METTL8: variants seen among roughly 807,000 people sequenced by gnomAD.
METTL8 encodes the protein methyltransferase 8, tRNA N3-cytidine.
Under a neutral mutation model 48.7 loss-of-function variants are expected in METTL8, and 32 were observed. The ratio of observed to expected loss-of-function variants is 0.66; its 90% CI spans 0.50 to 0.88. The LOEUF (loss-of-function observed/expected upper bound fraction) is 0.88, where lower values mean the gene tolerates loss of function less well. METTL8 is among the 40% of genes least tolerant of loss of function. The pLI is 0.00. For synonymous variants in METTL8, 136 were observed against 157.1 expected (o/e 0.87, Z 1.01); for missense variants, 464 against 474.4 (o/e 0.98, Z 0.20).
At chr2:171,336,231 G>A (rs1349072846) in intron 5 of METTL8, among the ~76,000 whole-genome samples, 1 of 151,946 alleles carries the variant, frequency 6.6e-6, no homozygotes, top group African/African-American at 2.4e-5. Context: ...GAGTAGCTGG[G>A]ATTACAGGCG....
chr2:171,432,848 A>G (rs1693238129), intron 1 of METTL8, among the ~76,000 whole-genome samples: 1 of 152,232 alleles, frequency 6.6e-6, no homozygotes, highest in Admixed American at 6.5e-5. Context: ...AACCATTTTT[A>G]CCATAGGCCA....
rs780640641 is a variant in METTL8, at chr2:171,339,373, A to G, written c.417T>C (p.Asn139=). The G allele has an allele frequency of 5.6e-6, 9 of 1,613,116 alleles. No homozygotes were observed. Among genetic ancestry groups the G allele is most frequent in the African/African-American group, 2.7e-5 (2 of 74,856 alleles). ...TAGGACAGTGCATTCTTGAGAAACG[A>G]TTTGTAGCACTAGTTTTTACATGAT... ...SWDHVKTSAT[N]RFSRMHCPTV... Residue 139 remains asparagine, a synonymous_variant, in exon 4 of 10, where the codon AAT becomes AAC. Coordinates refer to ENST00000375258, the MANE Select transcript of METTL8 (RefSeq NM_001321154.2).
At chr2:171,376,998 A>G (rs902903221) in intron 2 of METTL8, among the ~76,000 whole-genome samples, 163 of 152,348 alleles carry the variant, frequency 1.1e-3, no homozygotes, top group African/African-American at 3.8e-3. Context: ...AAAAATAGGC[A>G]TATAGACCAA....
At chr2:171,431,251 A>G (rs1261054546) in intron 1 of METTL8, among the ~76,000 whole-genome samples, 1 of 152,218 alleles carries the variant, frequency 6.6e-6, no homozygotes, top group Non-Finnish European at 1.5e-5. Context: ...ACACATGTGC[A>G]GTAAGGGAAA....
At chr2:171,351,295 G>A (rs1013247334) in intron 3 of METTL8, among the ~76,000 whole-genome samples, 1 of 152,144 alleles carries the variant, frequency 6.6e-6, no homozygotes, top group Non-Finnish European at 1.5e-5. Context: ...TTATTTCTGA[G>A]GGCTCTGTTC....
intron 1 of METTL8, among the ~76,000 whole-genome samples, chr2:171,424,016 C>G (rs1213120100): frequency 6.6e-6 from 1 of 152,186 alleles, no homozygotes; most frequent in Non-Finnish European, 1.5e-5. Context: ...GTGCCCTGCA[C>G]CCCAGCTGCT....
intron 2 of METTL8, among the ~76,000 whole-genome samples, chr2:171,361,120 T>A (rs1685117961): frequency 6.6e-6 from 1 of 152,232 alleles, no homozygotes; most frequent in Non-Finnish European, 1.5e-5. Context: ...TAAGTATTTT[T>A]AGTTTCAGAA....
At chr2:171,361,149 G>A (rs1685121380) in intron 2 of METTL8, among the ~76,000 whole-genome samples, 1 of 151,938 alleles carries the variant, frequency 6.6e-6, no homozygotes, top group African/African-American at 2.4e-5. Flanking sequence ...CCCTATATGA[G>A]AAGATACTAT....
rs756974675 is a variant in METTL8 at position 171,425,625 on chromosome 2, C to T, written c.-13+8258G>A. Reference sequence around the variant, plus strand: ...GTGAGGGTAGAACAGGACTGTGAGTCGCAGATGAGACCACAGCCCAGGCTG... The same window carrying T: ...GTGAGGGTAGAACAGGACTGTGAGTTGCAGATGAGACCACAGCCCAGGCTG... On this transcript the variant is annotated intron_variant, in intron 1 of 9. Transcript: ENST00000375258. Among the ~76,000 whole-genome samples the T allele has an allele frequency of 8.5e-5, 13 of 152,124 alleles. No individual in the cohort carries two copies. In the East Asian group the frequency reaches 1.9e-3, roughly 23 times the overall value.
intron 5 of METTL8, 59 bp from the exon 6 acceptor site, chr2:171,331,926 C>T: frequency 3.1e-6 from 4 of 1,310,496 alleles, no homozygotes; most frequent in Non-Finnish European, 4.3e-6. Flanking sequence ...TGCGCTGTTG[C>T]CCAGGTTGGA....
chr2:171,315,851 A>T lies in METTL8; in HGVS notation c.*8321T>A, dbSNP rs1684240250. On this transcript the variant is annotated 3_prime_UTR_variant, in exon 10 of 10. Coordinates refer to ENST00000375258, the MANE Select transcript of METTL8 (RefSeq NM_001321154.2). Reference sequence around the variant, plus strand: ...ATAAGAAAATGTTCAACTATGTAATAACCAAAGCTTCCTTAACTTGGGAAT... The same window carrying T: ...ATAAGAAAATGTTCAACTATGTAATTACCAAAGCTTCCTTAACTTGGGAAT... Among the ~76,000 whole-genome samples, 1 of 152,218 alleles carries T rather than the reference A, an allele frequency of 6.6e-6. No individual in the cohort carries two copies. The highest frequency in any genetic ancestry group is 1.5e-5 in the Non-Finnish European group (1 of 68,044).
chr2:171,426,355 A>C (rs1170607089), intron 1 of METTL8, among the ~76,000 whole-genome samples: 1 of 152,218 alleles, frequency 6.6e-6, no homozygotes, highest in African/African-American at 2.4e-5. Flanking sequence ...TATAATATGA[A>C]TGATGTTCAA....
intron 1 of METTL8, among the ~76,000 whole-genome samples, chr2:171,398,461 G>A (rs754597862): frequency 2.0e-5 from 3 of 152,064 alleles, no homozygotes; most frequent in Non-Finnish European, 4.4e-5. Flanking sequence ...TAGTCAAACC[G>A]ATAGAGACAG....
At chr2:171,403,409 T>C (rs1198148171) in intron 1 of METTL8, among the ~76,000 whole-genome samples, 3 of 152,040 alleles carry the variant, frequency 2.0e-5, no homozygotes, top group Admixed American at 6.6e-5. Flanking sequence ...AAAATATGAC[T>C]AATACTCCCC....
intron 3 of METTL8, among the ~76,000 whole-genome samples, chr2:171,342,911 A>G (rs997850385): frequency 6.6e-6 from 1 of 152,198 alleles, no homozygotes; most frequent in Non-Finnish European, 1.5e-5. Context: ...GAGGTGGCTC[A>G]TGCCTGTAAT....
At position 171,317,433 on chromosome 2, in the gene METTL8, G is replaced by A. The variant is rs542158432; in HGVS notation, c.*6739C>T. The A allele has an allele frequency of 5.9e-5, 9 of 152,354 alleles. No homozygotes were observed. Among genetic ancestry groups the A allele is most frequent in the Admixed American group, 5.9e-4 (9 of 15,302 alleles). 9.4% of individuals were successfully genotyped at this position (152,354 alleles called of 1,614,324 possible). On this transcript the variant is annotated 3_prime_UTR_variant, in exon 10 of 10. Transcript: ENST00000375258. ...AGGCAATCAAAGGCTCATTTTATTT[G>A]ATAGGTAACATCTGATACAGAAGCA...
At chr2:171,336,530 T>C (rs941466616) in intron 5 of METTL8, among the ~76,000 whole-genome samples, 17 of 151,078 alleles carry the variant, frequency 1.1e-4, no homozygotes, top group African/African-American at 4.1e-4. Flanking sequence ...GCCTCCCGAG[T>C]AGCTGGGACT....
intron 2 of METTL8, among the ~76,000 whole-genome samples, chr2:171,390,131 A>G (rs1171642220): frequency 6.6e-6 from 1 of 152,226 alleles, no homozygotes; most frequent in Non-Finnish European, 1.5e-5. Flanking sequence ...TATACTCTAT[A>G]AATGAAACAA....
At chr2:171,356,933 A>G (rs1240950120) in intron 3 of METTL8, among the ~76,000 whole-genome samples, 1 of 137,780 alleles carries the variant, frequency 7.3e-6, no homozygotes, top group African/African-American at 2.8e-5. Flanking sequence ...AAGTCAAATT[A>G]GCCTTGTTCA....
Sources: allele counts gnomAD v4.1 joint callset (sites outside exome capture counted in the v4.1 genomes callset), GRCh38; gene constraint gnomAD v4.1.1; transcripts MANE v1.5; gene names NCBI Gene and HGNC (gene_info 2026-07-23, HGNC 2026-07-21).